The following ANKS1B variants were observed in gnomAD, a reference collection of about 807,000 sequenced individuals.
The protein encoded by ANKS1B is ankyrin repeat and sterile alpha motif domain-containing protein 1B.
ANKS1B carries 36 observed loss-of-function variants against 148.3 expected under a neutral mutation model. The observed-to-expected ratio is 0.24, with a 90% CI of 0.19 to 0.32. The LOEUF (loss-of-function observed/expected upper bound fraction) is 0.32, where lower values mean the gene tolerates loss of function less well. ANKS1B is among the 10% of genes least tolerant of loss of function. The pLI, the probability that ANKS1B is intolerant of heterozygous loss-of-function variation, is 1.00. For synonymous variants in ANKS1B, 542 were observed against 560.8 expected (o/e 0.97, Z 0.47); for missense variants, 1,157 against 1,542.6 (o/e 0.75, Z 4.19).
intron 12 of ANKS1B, among the ~76,000 whole-genome samples, chr12:99,383,882 T>G (rs2093751574): frequency 1.4e-5 from 2 of 145,400 alleles, no homozygotes; most frequent in Admixed American, 6.8e-5. Flanking sequence ...AGAAAAGAAG[T>G]AACTGGGCAT....
chr12:99,015,091 A>G (rs143132552), intron 17 of ANKS1B, among the ~76,000 whole-genome samples: 1 of 152,230 alleles, frequency 6.6e-6, no homozygotes, highest in Non-Finnish European at 1.5e-5. Context: ...TCATTGCAGC[A>G]CTATTCATAA....
intron 15 of ANKS1B, among the ~76,000 whole-genome samples, chr12:99,138,138 TG>T (rs1267867980): frequency 1.3e-5 from 2 of 152,328 alleles, no homozygotes; most frequent in African/African-American, 4.8e-5. Context: ...AATGTTTCTT[TG>T]TTTGAATTCT....
chr12:98,938,097 A>C (rs1373894476), intron 17 of ANKS1B, among the ~76,000 whole-genome samples: 1 of 152,192 alleles, frequency 6.6e-6, no homozygotes, highest in African/African-American at 2.4e-5. Flanking sequence ...AACCATATTA[A>C]GGGCAACTGC....
At chr12:99,031,255 G>A (rs1324265526) in intron 17 of ANKS1B, among the ~76,000 whole-genome samples, 2 of 152,136 alleles carry the variant, frequency 1.3e-5, no homozygotes, top group African/African-American at 4.8e-5. Flanking sequence ...TTTCTCCTTA[G>A]TTCTAAATCA....
intron 22 of ANKS1B, among the ~76,000 whole-genome samples, chr12:98,796,412 T>C (rs2098950046): frequency 6.6e-6 from 1 of 152,166 alleles, no homozygotes; most frequent in Non-Finnish European, 1.5e-5. Context: ...GGAGTTTTGA[T>C]TGAACTGGGA....
chr12:99,399,866 C>T, intron 11 of ANKS1B, 55 bp from the exon 12 acceptor site: 1 of 1,543,352 alleles, frequency 6.5e-7, no homozygotes, highest in South Asian at 1.1e-5. Flanking sequence ...ATCTTCAGCC[C>T]AATCTCCCCA....
intron 1 of ANKS1B, among the ~76,000 whole-genome samples, chr12:99,864,898 G>C (rs994280483): frequency 6.6e-6 from 1 of 152,198 alleles, no homozygotes; most frequent in Non-Finnish European, 1.5e-5. Context: ...AGTTAGTACA[G>C]ACAGAGAACA....
At chr12:99,828,893 G>C (rs1454487593) in intron 1 of ANKS1B, among the ~76,000 whole-genome samples, 1 of 152,100 alleles carries the variant, frequency 6.6e-6, no homozygotes, top group Non-Finnish European at 1.5e-5. Flanking sequence ...TGAGGCAGGA[G>C]AATCGACTGA....
At chr12:99,684,004 T>C (rs567428121) in intron 8 of ANKS1B, among the ~76,000 whole-genome samples, 103 of 152,218 alleles carry the variant, frequency 6.8e-4, no homozygotes, top group Middle Eastern at 3.4e-3. Context: ...GCCAATATTA[T>C]ACTGAATGGG....
At chr12:99,258,806 A>G (rs1249475749) in intron 12 of ANKS1B, among the ~76,000 whole-genome samples, 1 of 152,124 alleles carries the variant, frequency 6.6e-6, no homozygotes, top group Admixed American at 6.6e-5. Context: ...TAATTCCCCA[A>G]TGTAAAAAAA....
intron 8 of ANKS1B, among the ~76,000 whole-genome samples, chr12:99,712,184 T>C (rs897704969): frequency 2.0e-5 from 3 of 152,120 alleles, no homozygotes; most frequent in Non-Finnish European, 4.4e-5. Flanking sequence ...ACATATTATT[T>C]TTATCTTTAC....
intron 15 of ANKS1B, among the ~76,000 whole-genome samples, chr12:99,129,172 C>T (rs1052733094): frequency 6.6e-6 from 1 of 152,118 alleles, no homozygotes; most frequent in African/African-American, 2.4e-5. Context: ...CAACTGGTAG[C>T]CCAAGATAAA....
At chr12:99,712,738 C>T (rs2056806268) in intron 8 of ANKS1B, among the ~76,000 whole-genome samples, 1 of 152,094 alleles carries the variant, frequency 6.6e-6, no homozygotes, top group South Asian at 2.1e-4. Flanking sequence ...TCAATATAGA[C>T]ATTCTCATTG....
intron 15 of ANKS1B, among the ~76,000 whole-genome samples, chr12:99,112,948 T>TG (rs2060605027): frequency 6.6e-6 from 1 of 152,230 alleles, no homozygotes; most frequent in Non-Finnish European, 1.5e-5. Context: ...GACACAATCC[T>TG]CAGCACCAAA....
chr12:98,840,827 T>G (rs1045839535), intron 17 of ANKS1B, among the ~76,000 whole-genome samples: 1 of 152,216 alleles, frequency 6.6e-6, no homozygotes, highest in South Asian at 2.1e-4. Context: ...TAAGTAAAGC[T>G]TGCTGCCAGT....
intron 17 of ANKS1B, among the ~76,000 whole-genome samples, chr12:98,896,797 A>G (rs2099765320): frequency 6.6e-6 from 1 of 152,226 alleles, no homozygotes; most frequent in Admixed American, 6.5e-5. Context: ...GAGGCTATTT[A>G]GTTCTGTGTC....
At chr12:99,346,751 G>T (rs766547322) in intron 12 of ANKS1B, among the ~76,000 whole-genome samples, 5 of 151,818 alleles carry the variant, frequency 3.3e-5, no homozygotes, top group Non-Finnish European at 7.4e-5. Flanking sequence ...TATTGTTTTC[G>T]TGAGTTATCA....
At chr12:99,210,315 C>A (rs1321460784) in intron 14 of ANKS1B, among the ~76,000 whole-genome samples, 1 of 152,132 alleles carries the variant, frequency 6.6e-6, no homozygotes, top group African/African-American at 2.4e-5. Flanking sequence ...TGCCCAGATG[C>A]CAAAACAAGA....
chr12:99,910,354 C>CAAAAAAAA (rs57222450), intron 1 of ANKS1B, among the ~76,000 whole-genome samples: 4 of 51,086 alleles, frequency 7.8e-5, no homozygotes, highest in Non-Finnish European at 1.0e-4. Flanking sequence ...GACTCCATCT[C>CAAAAAAAA]AAAAAAAAAA....
Sources: gnomAD v4.1 joint callset for allele counts (sites outside exome capture counted in the v4.1 genomes callset) on GRCh38, gnomAD v4.1.1 for gene constraint, MANE v1.5 for transcripts, NCBI Gene and HGNC (gene_info 2026-07-23, HGNC 2026-07-21) for gene names.